The following OTOGL variants were observed in gnomAD, a reference collection of about 807,000 sequenced individuals.
The protein encoded by OTOGL is otogelin like.
Under a neutral mutation model 318.5 loss-of-function variants are expected in OTOGL, and 285 were observed. The ratio of observed to expected loss-of-function variants is 0.89; its 90% CI spans 0.81 to 0.99. The LOEUF is 0.99. Among genes scored for constraint, OTOGL ranks in the 50% least tolerant of loss-of-function variants. The probability of loss-of-function intolerance (pLI) is 0.00; values close to 1 mark genes in which losing one functional copy is unlikely to be tolerated. For missense variants in OTOGL, 2,899 were observed against 2,845.6 expected, an observed-to-expected ratio of 1.02 and a Z score of -0.43; for synonymous variants, 987 against 936.5, an observed-to-expected ratio of 1.05 and a Z score of -0.99.
chr12:80,167,830 GA>G (rs112423287), intron 1 of OTOGL, among the ~76,000 whole-genome samples: 21,905 of 152,022 alleles, frequency 0.14, 2,792 homozygotes, highest in African/African-American at 0.34. Flanking sequence ...GAAAAAAATG[GA>G]AAATAAGTGC....
At chr12:80,308,191 A>G (rs946012329) in intron 29 of OTOGL, among the ~76,000 whole-genome samples, 10 of 143,944 alleles carry the variant, frequency 6.9e-5, no homozygotes, top group Non-Finnish European at 1.2e-4. Context: ...CCGGGCGGAG[A>G]CACTCCTCAC....
At chr12:80,376,980 G>T (rs1412718305) in intron 57 of OTOGL, 143 bp from the exon 58 acceptor site, 2 of 498,940 alleles carry the variant, frequency 4.0e-6, no homozygotes, top group Non-Finnish European at 6.9e-6. Context: ...AAATGTAAGA[G>T]AGAAGTTTTA....
At chr12:80,367,883 A>G (rs1890648689) in intron 54 of OTOGL, 144 bp downstream of exon 54, 1 of 623,492 alleles carries the variant, frequency 1.6e-6, no homozygotes, top group Non-Finnish European at 2.5e-6. Context: ...GTAATATATC[A>G]ATAAAACACA....
intron 1 of OTOGL, among the ~76,000 whole-genome samples, chr12:80,148,874 G>A (rs1278156175): frequency 6.6e-6 from 1 of 151,970 alleles, no homozygotes; most frequent in Non-Finnish European, 1.5e-5. Flanking sequence ...CATTCTTCAC[G>A]TAGTTCTCGA....
In OTOGL at chr12:80,171,280, A is replaced by G. The variant is rs538396262; in HGVS notation, c.-19-38133A>G. ...TTTTTTGTAGAGATGGAGTCTCACT[A>G]TGTTGCCCAGGCTGGTCTCAAACTC... On this transcript the variant is annotated intron_variant, in intron 1 of 58. Transcript: ENST00000547103. Among the ~76,000 whole-genome samples the G allele has an allele frequency of 5.3e-5, 8 of 151,620 alleles. No homozygotes were observed. In the East Asian group the frequency reaches 7.8e-4, roughly 15 times the overall value.
At chr12:80,250,041 C>A (rs1479403201) in intron 11 of OTOGL, among the ~76,000 whole-genome samples, 1 of 151,974 alleles carries the variant, frequency 6.6e-6, no homozygotes. Flanking sequence ...GGTGCGCGCA[C>A]CCACTGACCT....
intron 1 of OTOGL, among the ~76,000 whole-genome samples, chr12:80,100,640 A>G (rs2137062427): frequency 6.6e-6 from 1 of 152,288 alleles, no homozygotes; most frequent in South Asian, 2.1e-4. Context: ...AGGTGTTACG[A>G]GAAACTGGCC....
intron 1 of OTOGL, among the ~76,000 whole-genome samples, chr12:80,174,993 A>T (rs1441903756): frequency 6.6e-6 from 1 of 152,174 alleles, no homozygotes; most frequent in Non-Finnish European, 1.5e-5. Flanking sequence ...AAAAAACTTA[A>T]TGAGTGTTTG....
chr12:80,195,463 T>TA (rs60818814), intron 1 of OTOGL, among the ~76,000 whole-genome samples: 1,548 of 152,236 alleles, frequency 0.01, 20 homozygotes, highest in African/African-American at 0.036. Flanking sequence ...ACAAGGTAAA[T>TA]AAAAATAAAA....
At chr12:80,361,547 A>G (rs1890239361) in intron 52 of OTOGL, among the ~76,000 whole-genome samples, 1 of 151,746 alleles carries the variant, frequency 6.6e-6, no homozygotes. Context: ...TAATTTTTTG[A>G]GGAACATATA....
At chr12:80,301,484 G>A (rs988371015) in intron 27 of OTOGL, among the ~76,000 whole-genome samples, 24 of 152,134 alleles carry the variant, frequency 1.6e-4, no homozygotes, top group African/African-American at 5.1e-4. Flanking sequence ...AAACGTCTCA[G>A]GCTATGATCC....
chr12:80,115,022 C>T (rs1462933543), intron 1 of OTOGL, among the ~76,000 whole-genome samples: 1 of 151,908 alleles, frequency 6.6e-6, no homozygotes, highest in Admixed American at 6.6e-5. Context: ...TATCAAGGTT[C>T]TTAGCTTCCT....
At chr12:80,307,564 G>A (rs1220261218) in intron 29 of OTOGL, among the ~76,000 whole-genome samples, 1 of 147,126 alleles carries the variant, frequency 6.8e-6, no homozygotes, top group Non-Finnish European at 1.5e-5. Flanking sequence ...CGGGTGGGGG[G>A]CTGACCCCCC....
chr12:80,249,702 G>C (rs1308863765), intron 11 of OTOGL, among the ~76,000 whole-genome samples: 1 of 152,074 alleles, frequency 6.6e-6, no homozygotes, highest in African/African-American at 2.4e-5. Context: ...CCCAGTTCGA[G>C]CTTCCCGGCT....
rs66786755 is a variant in OTOGL at position 80,295,157 on chromosome 12, C to CTTTTTTTTTTTTT, written c.2929-1653_2929-1641dup. Among the ~76,000 whole-genome samples the CTTTTTTTTTTTTT allele has an allele frequency of 2.1e-4, 21 of 98,922 alleles. 2 individuals are homozygous for CTTTTTTTTTTTTT. The highest frequency in any genetic ancestry group is 8.2e-4 in the African/African-American group (17 of 20,622). The allele number at this position is 98,922 out of a possible 152,430, so 64.9% of individuals were successfully genotyped here. A position where few individuals can be genotyped will look rare whatever the true frequency, so the allele number is the denominator to read the frequency against. On this transcript the variant is annotated intron_variant, in intron 26 of 58. Transcript: ENST00000547103. Reference sequence around the variant, plus strand: ...AAACACAAACTGTATGATTGCCGAACTTTTTTTTTTTTTTTTTTTTTTTTT... The same window carrying CTTTTTTTTTTTTT: ...AAACACAAACTGTATGATTGCCGAACTTTTTTTTTTTTTTTTTTTTTTTTTTTTTTTTTTTTTT...
intron 57 of OTOGL, among the ~76,000 whole-genome samples, chr12:80,374,594 G>A (rs10746158): frequency 0.94 from 143,157 of 152,210 alleles, 67,397 homozygotes; most frequent in East Asian, 1. Flanking sequence ...TGTATCAGGG[G>A]CTCAAGGAAT....
At chr12:80,315,047 A>T (rs1274894143) in intron 32 of OTOGL, among the ~76,000 whole-genome samples, 1 of 152,202 alleles carries the variant, frequency 6.6e-6, no homozygotes, top group Non-Finnish European at 1.5e-5. Flanking sequence ...AGTAGAGAAT[A>T]GAATGGTGGT....
chr12:80,233,154 C>A, intron 9 of OTOGL, 57 bp downstream of exon 9: 2 of 1,438,942 alleles, frequency 1.4e-6, no homozygotes, highest in South Asian at 1.3e-5. Flanking sequence ...CTTCCCCTGA[C>A]CAAGTTGTTT....
chr12:80,176,988 A>G (rs1874574068), intron 1 of OTOGL, among the ~76,000 whole-genome samples: 2 of 151,898 alleles, frequency 1.3e-5, no homozygotes, highest in South Asian at 2.1e-4. Context: ...CTTGTCATCC[A>G]TTTATCTTCT....
Sources: gnomAD v4.1 joint callset for allele counts (sites outside exome capture counted in the v4.1 genomes callset) on GRCh38, gnomAD v4.1.1 for gene constraint, MANE v1.5 for transcripts, NCBI Gene and HGNC (gene_info 2026-07-23, HGNC 2026-07-21) for gene names.